SHISA5: variants seen among roughly 807,000 people sequenced by gnomAD.
SHISA5 encodes the protein protein shisa-5.
Under a neutral mutation model 27.5 loss-of-function variants are expected in SHISA5, and 21 were observed. The ratio of observed to expected loss-of-function variants is 0.76; its 90% CI spans 0.54 to 1.10. SHISA5 has a LOEUF of 1.10. Among genes scored for constraint, SHISA5 ranks in the 50% least tolerant of loss-of-function variants. SHISA5 has a pLI of 0.00. For synonymous variants in SHISA5, 137 were observed against 142.2 expected, an observed-to-expected ratio of 0.96 and a Z score of 0.26; for missense variants, 314 against 336.3, an observed-to-expected ratio of 0.93 and a Z score of 0.52.
At chr3:48,488,299 C>T (rs1171802280) in intron 2 of SHISA5, among the ~76,000 whole-genome samples, 3 of 141,562 alleles carry the variant, frequency 2.1e-5, no homozygotes, top group East Asian at 4.4e-4. Context: ...CCAATCTCGA[C>T]TCAATGCAAG....
chr3:48,474,484 G>C (rs879676820), intron 3 of SHISA5, among the ~76,000 whole-genome samples: 16 of 151,532 alleles, frequency 1.1e-4, no homozygotes, highest in Non-Finnish European at 2.1e-4. Flanking sequence ...CTACAGGTGC[G>C]TGCCACCACA....
intron 2 of SHISA5, among the ~76,000 whole-genome samples, chr3:48,483,723 C>T (rs1302433637): frequency 6.6e-6 from 1 of 150,986 alleles, no homozygotes; most frequent in African/African-American, 2.4e-5. Flanking sequence ...GGGGGCTGAC[C>T]CCCCCACCTC....
Position 48,468,568 on chromosome 3 carries a change from T to G in SHISA5, c.*539A>C, listed in dbSNP as rs1243048091. 2.7e-5 allele frequency: 32 copies of G among 1,189,126 alleles called. No homozygotes were observed. Among genetic ancestry groups the G allele is most frequent in the Non-Finnish European group, 5.3e-6 (5 of 942,440 alleles). 73.7% of individuals were successfully genotyped at this position (1,189,126 alleles called of 1,614,324 possible). ...CTGCCCAAAGGATCAAAGTCCAACT[T>G]GGCCAGATCCCAAGCTTCGCCTGCA... On this transcript the variant is annotated 3_prime_UTR_variant, in exon 6 of 6. Transcript: ENST00000296444.
At position 48,473,273 on chromosome 3, in the gene SHISA5, C is replaced by A; in HGVS notation, c.315-3430G>T. The A allele has an allele frequency of 2.1e-6, 3 of 1,405,826 alleles. No homozygotes were observed. Among genetic ancestry groups the A allele is most frequent in the Non-Finnish European group, 2.8e-6 (3 of 1,079,914 alleles). 87.1% of individuals were successfully genotyped at this position (1,405,826 alleles called of 1,614,324 possible). ...CGGGGAGGAGGGGAAGCAGAGGTGC[C>A]CCATTTGCCTCCCAGAGCTGCCTCC... is the stretch of plus-strand genomic sequence containing the variant. On this transcript the variant is annotated intron_variant, in intron 3 of 5. Coordinates refer to ENST00000296444, the MANE Select transcript of SHISA5 (RefSeq NM_016479.6). The surrounding 1 kb of genome is among the most constrained non-coding windows in gnomAD (Gnocchi z 4.3).
intron 2 of SHISA5, among the ~76,000 whole-genome samples, chr3:48,491,080 G>T (rs1185046322): frequency 7.3e-5 from 1 of 13,626 alleles, no homozygotes; most frequent in Non-Finnish European, 1.8e-4. Flanking sequence ...CCAACCCCCC[G>T]CCCTTTGAGT....
At chr3:48,501,595 T>C (rs141967109) in intron 1 of SHISA5, among the ~76,000 whole-genome samples, 30 of 152,248 alleles carry the variant, frequency 2.0e-4, no homozygotes, top group African/African-American at 6.5e-4. Context: ...CACCCTGCTC[T>C]CAAACCTCCC....
chr3:48,468,620 C>T lies in SHISA5; in HGVS notation c.*487G>A. The T allele has an allele frequency of 8.4e-7, 1 of 1,197,376 alleles. No individual in the cohort carries two copies. The highest frequency in any genetic ancestry group is 1.1e-6 in the Non-Finnish European group (1 of 946,670). 74.2% of individuals were successfully genotyped at this position (1,197,376 alleles called of 1,614,324 possible). Reference sequence around the variant, plus strand: ...CATGTCCCTGGCTCTGCAACGGGTACCCCCAACTCCGGGGACGAGCCATGG... The same window carrying T: ...CATGTCCCTGGCTCTGCAACGGGTATCCCCAACTCCGGGGACGAGCCATGG... On this transcript the variant is annotated 3_prime_UTR_variant, in exon 6 of 6. Transcript: ENST00000296444.
intron 2 of SHISA5, among the ~76,000 whole-genome samples, chr3:48,487,472 G>A (rs2041285976): frequency 6.6e-6 from 1 of 152,152 alleles, no homozygotes; most frequent in African/African-American, 2.4e-5. Context: ...TTTCTGTGTA[G>A]AAATTTTGTC....
At chr3:48,479,498 C>A in intron 2 of SHISA5, 1 of 533,748 alleles carries the variant, frequency 1.9e-6, no homozygotes, top group Non-Finnish European at 3.3e-6. Context: ...CAAGTCTCAG[C>A]AGATTTTAGA....
intron 2 of SHISA5, among the ~76,000 whole-genome samples, chr3:48,500,596 C>A (rs984341477): frequency 2.0e-5 from 3 of 152,106 alleles, no homozygotes; most frequent in African/African-American, 7.2e-5. Context: ...CGGCAAAGAG[C>A]CACACACAGG....
At chr3:48,478,299 A>T (rs2040889241) in intron 3 of SHISA5, among the ~76,000 whole-genome samples, 1 of 152,186 alleles carries the variant, frequency 6.6e-6, no homozygotes, top group Admixed American at 6.5e-5. Flanking sequence ...ATTCTGCTGT[A>T]GCCAGTGAGG....
intron 2 of SHISA5, among the ~76,000 whole-genome samples, chr3:48,489,620 C>CATT (rs1560130851): frequency 2.0e-4 from 25 of 127,722 alleles, no homozygotes; most frequent in African/African-American, 8.2e-4. Context: ...CTGCGCCTGG[C>CATT]CTTTTTTTTT....
intron 2 of SHISA5, among the ~76,000 whole-genome samples, chr3:48,481,456 T>TAAAATAAAATAAAATAAAATAAAATA (rs2041010317): frequency 6.7e-6 from 1 of 149,154 alleles, no homozygotes. Flanking sequence ...TAAAATAAAA[T>TAAAATAAAATAAAATAAAATAAAATA]AAAATAAAAT....
In SHISA5 at chr3:48,468,312, GC is replaced by G; in HGVS notation, c.*794del. The G allele has an allele frequency of 9.7e-7, 1 of 1,030,042 alleles. No homozygotes were observed. The allele number at this position is 1,030,042 out of a possible 1,614,324, so 63.8% of individuals were successfully genotyped here. A position where few individuals can be genotyped will look rare whatever the true frequency, so the allele number is the denominator to read the frequency against. ...GAACTGAGTGTGCTGGTGGACAGGA[GC>G]CCTGCTCACCTGTGGGAAGGGCAGG... is the stretch of plus-strand genomic sequence containing the variant. On this transcript the variant is annotated 3_prime_UTR_variant, in exon 6 of 6. Transcript: ENST00000296444.
chr3:48,483,065 C>T (rs1310949191), intron 2 of SHISA5, among the ~76,000 whole-genome samples: 4 of 151,916 alleles, frequency 2.6e-5, no homozygotes, highest in Admixed American at 2.6e-4. Flanking sequence ...GCTGGGACTA[C>T]AGGCACATGC....
intron 2 of SHISA5, among the ~76,000 whole-genome samples, chr3:48,486,323 T>TTA (rs1302287707): frequency 0.33 from 1,019 of 3,058 alleles, 16 homozygotes; most frequent in Non-Finnish European, 0.38. Flanking sequence ...ATATAATACA[T>TTA]TATGTTATAT....
intron 2 of SHISA5, among the ~76,000 whole-genome samples, chr3:48,499,874 A>G (rs58071867): frequency 2.1e-5 from 3 of 141,922 alleles, no homozygotes; most frequent in African/African-American, 7.9e-5. Context: ...CAAAAAAAAA[A>G]AAAAAAAAAA....
At chr3:48,476,570 C>G (rs1432849758) in intron 3 of SHISA5, among the ~76,000 whole-genome samples, 1 of 152,174 alleles carries the variant, frequency 6.6e-6, no homozygotes, top group Non-Finnish European at 1.5e-5. Flanking sequence ...AAACAGTGCC[C>G]TTGGCCAAGT....
At chr3:48,497,359 G>A (rs929446288) in intron 2 of SHISA5, among the ~76,000 whole-genome samples, 24 of 147,516 alleles carry the variant, frequency 1.6e-4, no homozygotes, top group African/African-American at 6.1e-4. Context: ...CGCCTCCTGG[G>A]TTCAAGCAAT....
Sources: gnomAD v4.1 joint callset for allele counts (sites outside exome capture counted in the v4.1 genomes callset) on GRCh38, gnomAD v4.1.1 for gene constraint, Gnocchi (gnomAD v3.1) non-coding constraint, MANE v1.5 for transcripts, NCBI Gene and HGNC (gene_info 2026-07-23, HGNC 2026-07-21) for gene names.